SPIDR: variants seen among roughly 807,000 people sequenced by gnomAD.
SPIDR encodes scaffold protein involved in DNA repair.
Under a neutral mutation model 104.6 loss-of-function variants are expected in SPIDR, and 93 were observed. That is an observed-to-expected ratio of 0.89 (90% CI 0.75 to 1.06). The LOEUF (loss-of-function observed/expected upper bound fraction) is 1.06. Among genes scored for constraint, SPIDR ranks in the 50% least tolerant of loss-of-function variants. SPIDR has a pLI of 0.00. For missense variants in SPIDR, 1,154 were observed against 1,111.2 expected, an observed-to-expected ratio of 1.04 and a Z score of -0.55; for synonymous variants, 431 against 416.9, an observed-to-expected ratio of 1.03 and a Z score of -0.41.
At chr8:47,502,453 G>T (rs544520500) in intron 8 of SPIDR, among the ~76,000 whole-genome samples, 88 of 152,118 alleles carry the variant, frequency 5.8e-4, no homozygotes, top group Admixed American at 1.3e-3. Flanking sequence ...ATTCTCTGAT[G>T]GTAGTTTGTG....
intron 10 of SPIDR, among the ~76,000 whole-genome samples, chr8:47,659,044 G>A (rs1296061827): frequency 2.6e-5 from 4 of 151,974 alleles, no homozygotes; most frequent in Non-Finnish European, 4.4e-5. Flanking sequence ...GATCACTTGA[G>A]TCCAGGAGTT....
intron 11 of SPIDR, among the ~76,000 whole-genome samples, chr8:47,696,881 A>G (rs949313156): frequency 6.6e-6 from 1 of 152,224 alleles, no homozygotes; most frequent in Admixed American, 6.5e-5. Context: ...TCTATCCCCA[A>G]GTCTGCAGCC....
chr8:47,712,731 AAGG>A lies in SPIDR; in HGVS notation c.2053_2055del (p.Glu685del). On this transcript the variant is annotated inframe_deletion, in exon 15 of 20. Coordinates refer to ENST00000297423, the MANE Select transcript of SPIDR (RefSeq NM_001080394.4). Reference sequence around the variant, plus strand: ...AGTGACCGATGTCACTCTGCAAACGAAGGAGGAGAGAGACCCCAGGCTCCCCAA... The same window carrying A: ...AGTGACCGATGTCACTCTGCAAACGAAGGAGAGAGACCCCAGGCTCCCCAA... The A allele has an allele frequency of 1.2e-6, 2 of 1,614,092 alleles. No individual in the cohort carries two copies. The highest frequency in any genetic ancestry group is 1.1e-5 in the South Asian group (1 of 91,082).
rs2362289 is a variant in SPIDR at position 47,583,666 on chromosome 8, C to G, written c.1098-12145C>G. 3.8e-3 allele frequency among the ~76,000 whole-genome samples: 573 copies of G among 152,302 alleles called. 3 individuals are homozygous for G. The highest frequency in any genetic ancestry group is 0.022 in the South Asian group (108 of 4,822). ...ATGAATGTTTAAAAGATGTGATTTC[C>G]TCTGCCTGCTAATAAAGGAAACAGA... On this transcript the variant is annotated intron_variant, in intron 8 of 19. Transcript: ENST00000297423.
intron 10 of SPIDR, chr8:47,654,145 GC>G: frequency 7.8e-7 from 1 of 1,289,822 alleles, no homozygotes; most frequent in South Asian, 1.2e-5. Flanking sequence ...AAGTTCTCTG[GC>G]CAGGTGAGTG....
At chr8:47,611,043 C>T (rs1451624211) in intron 10 of SPIDR, among the ~76,000 whole-genome samples, 1 of 152,074 alleles carries the variant, frequency 6.6e-6, no homozygotes, top group African/African-American at 2.4e-5. Context: ...CAGTAGACAC[C>T]CAGCAAGTAT....
chr8:47,509,587 CAT>C (rs1430847445), intron 8 of SPIDR, among the ~76,000 whole-genome samples: 1 of 152,154 alleles, frequency 6.6e-6, no homozygotes, highest in Non-Finnish European at 1.5e-5. Flanking sequence ...TCTCTAGTAA[CAT>C]ATTACAACAT....
chr8:47,289,387 A>G (rs889431493), intron 3 of SPIDR, among the ~76,000 whole-genome samples: 4 of 152,300 alleles, frequency 2.6e-5, no homozygotes, highest in African/African-American at 7.2e-5. Flanking sequence ...ATCAAATACC[A>G]TACTGCATAG....
chr8:47,337,832 C>T (rs1173683931), intron 5 of SPIDR, among the ~76,000 whole-genome samples: 1 of 152,068 alleles, frequency 6.6e-6, no homozygotes, highest in Non-Finnish European at 1.5e-5. Flanking sequence ...ATGTTTTAAG[C>T]AGAGTGTTCT....
intron 19 of SPIDR, among the ~76,000 whole-genome samples, chr8:47,733,381 A>G (rs148999246): frequency 1.3e-5 from 2 of 152,318 alleles, no homozygotes; most frequent in South Asian, 2.1e-4. Flanking sequence ...AGCAAGACTC[A>G]GTCTCAAAAA....
At chr8:47,314,617 C>T (rs1250934431) in intron 5 of SPIDR, among the ~76,000 whole-genome samples, 3 of 152,034 alleles carry the variant, frequency 2.0e-5, no homozygotes, top group African/African-American at 4.8e-5. Flanking sequence ...CTCATTATCA[C>T]GAGAATAGCA....
intron 3 of SPIDR, 24 bp downstream of exon 3, chr8:47,284,118 A>G: frequency 1.3e-6 from 2 of 1,570,962 alleles, no homozygotes; most frequent in Non-Finnish European, 1.7e-6. Context: ...TGATTTCTTG[A>G]CAGAGAAGAT....
chr8:47,728,771 G>A, intron 17 of SPIDR, 162 bp from the exon 18 acceptor site: 2 of 714,598 alleles, frequency 2.8e-6, no homozygotes, highest in Non-Finnish European at 2.2e-6. Flanking sequence ...TGGACAGGCT[G>A]AGTCCAGGCA....
chr8:47,270,985 G>A (rs1377256636), intron 1 of SPIDR, among the ~76,000 whole-genome samples: 2 of 151,964 alleles, frequency 1.3e-5, no homozygotes, highest in East Asian at 3.8e-4. Context: ...ATGGTCTGTC[G>A]GAGAATGTTT....
intron 5 of SPIDR, among the ~76,000 whole-genome samples, chr8:47,316,720 T>C (rs970481240): frequency 1.3e-5 from 2 of 152,166 alleles, no homozygotes; most frequent in Admixed American, 1.3e-4. Flanking sequence ...CGAAAAGTCT[T>C]AGAGGAACTT....
chr8:47,271,090 T>C (rs2035221662), intron 1 of SPIDR, among the ~76,000 whole-genome samples: 1 of 152,188 alleles, frequency 6.6e-6, no homozygotes, highest in African/African-American at 2.4e-5. Flanking sequence ...TAACACTTAT[T>C]GAGGATCCTT....
At chr8:47,619,188 G>A (rs764802111) in intron 10 of SPIDR, among the ~76,000 whole-genome samples, 1 of 152,146 alleles carries the variant, frequency 6.6e-6, no homozygotes, top group Non-Finnish European at 1.5e-5. Context: ...TCATGGAGTT[G>A]ATCTTGTGTG....
chr8:47,488,879 A>G (rs1586582958), intron 8 of SPIDR, among the ~76,000 whole-genome samples: 1 of 152,182 alleles, frequency 6.6e-6, no homozygotes, highest in African/African-American at 2.4e-5. Context: ...TCTATGACAA[A>G]CCCACAGCCA....
chr8:47,642,520 G>T (rs371010672), intron 10 of SPIDR, among the ~76,000 whole-genome samples: 1 of 152,044 alleles, frequency 6.6e-6, no homozygotes, highest in African/African-American at 2.4e-5. Context: ...AAGACAGCCC[G>T]CTGACTTCTT....
Sources: gnomAD v4.1 joint callset for allele counts (sites outside exome capture counted in the v4.1 genomes callset) on GRCh38, gnomAD v4.1.1 for gene constraint, MANE v1.5 for transcripts, NCBI Gene and HGNC (gene_info 2026-07-23, HGNC 2026-07-21) for gene names.